The following YWHAE variants were observed in gnomAD, a reference collection of about 807,000 sequenced individuals.
YWHAE encodes tyrosine 3-monooxygenase/tryptophan 5-monooxygenase activation protein epsilon.
In YWHAE, 4 loss-of-function variants were observed where a neutral mutation model predicts 30.1. The ratio of observed to expected loss-of-function variants is 0.13; its 90% CI spans 0.07 to 0.30. YWHAE has a LOEUF of 0.30. Ranked by LOEUF, YWHAE falls within the 10% of genes least tolerant of loss-of-function variation. The pLI, the probability that YWHAE is intolerant of heterozygous loss-of-function variation, is 1.00. For synonymous variants in YWHAE, 118 were observed against 111.8 expected, an observed-to-expected ratio of 1.06 and a Z score of -0.35; for missense variants, 121 against 315.9, an observed-to-expected ratio of 0.38 and a Z score of 4.68.
intron 1 of YWHAE, among the ~76,000 whole-genome samples, chr17:1,380,769 T>C (rs957409843): frequency 6.6e-6 from 1 of 152,202 alleles, no homozygotes; most frequent in South Asian, 2.1e-4. Context: ...TTTCCATTCT[T>C]ACATCTCATA....
intron 1 of YWHAE, among the ~76,000 whole-genome samples, chr17:1,389,533 CT>C (rs780905326): frequency 2.5e-3 from 351 of 139,864 alleles, no homozygotes; most frequent in Middle Eastern, 0.011. Flanking sequence ...CGTTTTCTTT[CT>C]TTTTTTTTTT....
At chr17:1,395,067 T>C (rs1314331302) in intron 1 of YWHAE, among the ~76,000 whole-genome samples, 7 of 151,794 alleles carry the variant, frequency 4.6e-5, no homozygotes, top group African/African-American at 1.5e-4. Context: ...ATGCCTGCAG[T>C]ATCAGTCACC....
chr17:1,387,525 C>T (rs1431562361), intron 1 of YWHAE, among the ~76,000 whole-genome samples: 1 of 152,066 alleles, frequency 6.6e-6, no homozygotes, highest in East Asian at 1.9e-4. Flanking sequence ...ACCCTTGGGT[C>T]CAATTCGGTT....
chr17:1,372,925 G>A (rs1290612370), intron 1 of YWHAE, among the ~76,000 whole-genome samples: 1 of 151,950 alleles, frequency 6.6e-6, no homozygotes, highest in East Asian at 1.9e-4. Context: ...GACAGAGTGA[G>A]ACCCTGTCTC....
intron 1 of YWHAE, among the ~76,000 whole-genome samples, chr17:1,366,900 C>G (rs1033353809): frequency 3.9e-5 from 6 of 152,056 alleles, no homozygotes; most frequent in Admixed American, 3.3e-4. Context: ...TGAGATTGCA[C>G]CACTGCATTC....
At chr17:1,373,606 T>C (rs1344807636) in intron 1 of YWHAE, among the ~76,000 whole-genome samples, 1 of 151,584 alleles carries the variant, frequency 6.6e-6, no homozygotes, top group African/African-American at 2.4e-5. Flanking sequence ...AGGCGGAGCT[T>C]GTAGTGAGTA....
chr17:1,364,147 G>A (rs969760343), intron 2 of YWHAE, among the ~76,000 whole-genome samples: 3 of 150,608 alleles, frequency 2.0e-5, no homozygotes, highest in Non-Finnish European at 4.4e-5. Context: ...CCCACAGTAA[G>A]TAAAATAACT....
At chr17:1,382,523 A>G (rs1282913971) in intron 1 of YWHAE, among the ~76,000 whole-genome samples, 6 of 142,990 alleles carry the variant, frequency 4.2e-5, no homozygotes, top group Non-Finnish European at 7.6e-5. Flanking sequence ...GGCCAGGCTA[A>G]TTTTTTTTTT....
At chr17:1,376,531 T>C (rs1228413229) in intron 1 of YWHAE, among the ~76,000 whole-genome samples, 1 of 152,056 alleles carries the variant, frequency 6.6e-6, no homozygotes, top group Non-Finnish European at 1.5e-5. Context: ...CGGGAGTCTT[T>C]GTATGTTGCC....
At chr17:1,386,698 C>G (rs2073304826) in intron 1 of YWHAE, among the ~76,000 whole-genome samples, 1 of 152,182 alleles carries the variant, frequency 6.6e-6, no homozygotes, top group African/African-American at 2.4e-5. Context: ...GCCTATAATC[C>G]CAGCTCTCTG....
At chr17:1,379,688 T>A (rs2073175978) in intron 1 of YWHAE, among the ~76,000 whole-genome samples, 1 of 152,156 alleles carries the variant, frequency 6.6e-6, no homozygotes, top group African/African-American at 2.4e-5. Context: ...TCAATTAAGA[T>A]GAGCAAAAGG....
Position 1,345,077 on chromosome 17 carries a change from T to C in YWHAE, c.*370A>G. ...GCCTCTATAGTGTGATTAACCTCTC[T>C]CTTAGATGCTTGCATCACCTATAAG... On this transcript the variant is annotated 3_prime_UTR_variant, in exon 6 of 6. Coordinates refer to ENST00000264335, the MANE Select transcript of YWHAE (RefSeq NM_006761.5). 3.4e-6 allele frequency: 1 copy of C among 298,458 alleles called. No homozygotes were observed. The highest frequency in any genetic ancestry group is 8.0e-5 in the South Asian group (1 of 12,520). The allele number at this position is 298,458 out of a possible 1,614,324, so 18.5% of individuals were successfully genotyped here. A position where few individuals can be genotyped will look rare whatever the true frequency, so the allele number is the denominator to read the frequency against.
intron 2 of YWHAE, 114 bp from the exon 3 acceptor site, chr17:1,362,122 T>A (rs1250657581): frequency 1.7e-6 from 1 of 585,320 alleles, no homozygotes; most frequent in Non-Finnish European, 2.8e-6. Context: ...AGAATTTGTA[T>A]CCCTCTCCAA....
At chr17:1,360,744 A>T (rs908869133) in intron 4 of YWHAE, among the ~76,000 whole-genome samples, 2 of 152,134 alleles carry the variant, frequency 1.3e-5, no homozygotes, top group Admixed American at 6.6e-5. Context: ...CTAGCCTGGG[A>T]GACAGAGTGA....
intron 5 of YWHAE, among the ~76,000 whole-genome samples, chr17:1,352,758 C>G (rs927478589): frequency 3.9e-5 from 6 of 152,016 alleles, no homozygotes; most frequent in Admixed American, 3.9e-4. Flanking sequence ...ATCTCCTGAC[C>G]GCGTGATCCA....
rs777019698 is a variant in YWHAE, at chr17:1,400,159, T to A, written c.-49A>T. The A allele has an allele frequency of 6.2e-7, 1 of 1,606,268 alleles. No homozygotes were observed. The highest frequency in any genetic ancestry group is 2.2e-5 in the East Asian group (1 of 44,840). ...CTGCGCGACGGATGGAAGCGGATAGTGTCTCCGACTCTCTCAGCCTCTCGC... is the reference window on the plus strand; with the variant it reads ...CTGCGCGACGGATGGAAGCGGATAGAGTCTCCGACTCTCTCAGCCTCTCGC... On this transcript the variant is annotated 5_prime_UTR_variant, in exon 1 of 6. Coordinates refer to ENST00000264335, the MANE Select transcript of YWHAE (RefSeq NM_006761.5).
intron 1 of YWHAE, among the ~76,000 whole-genome samples, chr17:1,375,914 AAC>A (rs1446598722): frequency 6.6e-6 from 1 of 152,218 alleles, no homozygotes; most frequent in African/African-American, 2.4e-5. Flanking sequence ...TTGTTCATTC[AAC>A]AGACTTATTC....
intron 5 of YWHAE, 52 bp from the exon 6 acceptor site, chr17:1,345,551 T>G (rs751205506): frequency 1.1e-5 from 18 of 1,576,958 alleles, no homozygotes. Flanking sequence ...CATTAGGCTA[T>G]GGCAGCCACA....
intron 1 of YWHAE, among the ~76,000 whole-genome samples, chr17:1,366,350 G>A (rs886076626): frequency 6.6e-6 from 1 of 152,126 alleles, no homozygotes; most frequent in African/African-American, 2.4e-5. Flanking sequence ...GGCCAGCCTG[G>A]CCAACGTGGT....
Sources: gnomAD v4.1 joint callset for allele counts (sites outside exome capture counted in the v4.1 genomes callset) on GRCh38, gnomAD v4.1.1 for gene constraint, MANE v1.5 for transcripts, NCBI Gene and HGNC (gene_info 2026-07-23, HGNC 2026-07-21) for gene names.